The following MLLT1 variants were observed in gnomAD, a reference collection of about 807,000 sequenced individuals.
The protein encoded by MLLT1 is MLLT1 super elongation complex subunit.
In MLLT1, 11 loss-of-function variants were observed where a neutral mutation model predicts 55.1. That is an observed-to-expected ratio of 0.20 (90% CI 0.13 to 0.33). The LOEUF is 0.33. Ranked by LOEUF, MLLT1 falls within the 10% of genes least tolerant of loss-of-function variation. The pLI is 1.00. For synonymous variants in MLLT1, 323 were observed against 320.1 expected, an observed-to-expected ratio of 1.01 and a Z score of -0.10; for missense variants, 536 against 760.6, an observed-to-expected ratio of 0.70 and a Z score of 3.47.
chr19:6,213,769 C>T lies in MLLT1; in HGVS notation c.1436G>A (p.Cys479Tyr), dbSNP rs780264607. The T allele has an allele frequency of 1.2e-6, 2 of 1,612,684 alleles. No individual in the cohort carries two copies. Among genetic ancestry groups the T allele is most frequent in the Admixed American group, 3.3e-5 (2 of 59,882 alleles). ...CTTGAGGATCTTCTCAGGCTTGCTGCAGGACTCGGGGCTCCTCCGGCCTGA... is the reference window on the plus strand; with the variant it reads ...CTTGAGGATCTTCTCAGGCTTGCTGTAGGACTCGGGGCTCCTCCGGCCTGA... ...KVSGRRSPESCSKPEKILKKG... is the reference protein window; with the variant it reads ...KVSGRRSPESYSKPEKILKKG... Residue 479 changes from cysteine to tyrosine, a missense_variant, in exon 10 of 12, where the codon TGC (cysteine) becomes TAC (tyrosine). Transcript: ENST00000252674.
chr19:6,253,217 A>G (rs761693324), intron 3 of MLLT1, among the ~76,000 whole-genome samples: 8 of 134,628 alleles, frequency 5.9e-5, no homozygotes, highest in Non-Finnish European at 1.1e-4. Flanking sequence ...GTGAGCCAAG[A>G]TTGCGCCACT....
chr19:6,272,938 G>C (rs1044600888), intron 1 of MLLT1, among the ~76,000 whole-genome samples: 1 of 152,194 alleles, frequency 6.6e-6, no homozygotes, highest in Non-Finnish European at 1.5e-5. Context: ...ACATGATACA[G>C]ATGTACAATT....
intron 11 of MLLT1, 59 bp downstream of exon 11, chr19:6,213,278 C>A: frequency 3.1e-6 from 5 of 1,608,452 alleles, no homozygotes; most frequent in Non-Finnish European, 4.3e-6. Flanking sequence ...GCCCCCGCAG[C>A]CCACACTCCT....
chr19:6,227,670 G>A lies in MLLT1; in HGVS notation c.421-568C>T, dbSNP rs1046649894. Among the ~76,000 whole-genome samples the A allele has an allele frequency of 6.6e-6, 1 of 152,180 alleles. No individual in the cohort carries two copies. Among genetic ancestry groups the A allele is most frequent in the African/African-American group, 2.4e-5 (1 of 41,458 alleles). ...CAAGGCAGACGACCTGTGCCTACTG[G>A]GGGGGTCTCTCTGCAAAGCAGGCCC... On this transcript the variant is annotated intron_variant, in intron 4 of 11. Transcript: ENST00000252674. The surrounding 1 kb of genome is among the most constrained non-coding windows in gnomAD (Gnocchi z 5.1).
At chr19:6,274,146 G>A (rs1021932171) in intron 1 of MLLT1, among the ~76,000 whole-genome samples, 2 of 152,240 alleles carry the variant, frequency 1.3e-5, no homozygotes, top group African/African-American at 4.8e-5. Flanking sequence ...AAGTTCGGGT[G>A]CCCGGCCTGC....
chr19:6,251,203 A>G (rs181921852), intron 3 of MLLT1, among the ~76,000 whole-genome samples: 1 of 152,318 alleles, frequency 6.6e-6, no homozygotes, highest in African/African-American at 2.4e-5. Context: ...AATGTACTAA[A>G]TGCCACTTTA....
At chr19:6,271,715 A>G (rs1237020674) in intron 1 of MLLT1, among the ~76,000 whole-genome samples, 1 of 152,232 alleles carries the variant, frequency 6.6e-6, no homozygotes, top group Admixed American at 6.5e-5. Context: ...ATCAAATACA[A>G]GAATGTTACA....
chr19:6,236,024 T>C (rs1249910080), intron 3 of MLLT1, among the ~76,000 whole-genome samples: 1 of 152,226 alleles, frequency 6.6e-6, no homozygotes, highest in Non-Finnish European at 1.5e-5. Context: ...GGGACTGTCC[T>C]GTTTTGTTCC....
chr19:6,220,325 G>A (rs2090885672), intron 6 of MLLT1, among the ~76,000 whole-genome samples: 1 of 152,232 alleles, frequency 6.6e-6, no homozygotes, highest in South Asian at 2.1e-4. Context: ...AGGCGTCAGG[G>A]ACTCTGTGCT....
chr19:6,228,273 A>G (rs2090972983), intron 4 of MLLT1, among the ~76,000 whole-genome samples: 1 of 152,178 alleles, frequency 6.6e-6, no homozygotes, highest in Non-Finnish European at 1.5e-5. Flanking sequence ...GCTGAGCCCC[A>G]TTCGCTCTCA....
chr19:6,234,001 CTGAG>C (rs1248902312), intron 3 of MLLT1, among the ~76,000 whole-genome samples: 4 of 150,202 alleles, frequency 2.7e-5, no homozygotes, highest in Non-Finnish European at 5.9e-5. Context: ...AGTGAGCCAA[CTGAG>C]TGAGATGCTA....
At chr19:6,260,817 G>A (rs998436083) in intron 3 of MLLT1, among the ~76,000 whole-genome samples, 4 of 152,228 alleles carry the variant, frequency 2.6e-5, no homozygotes, top group African/African-American at 9.6e-5. Context: ...CTGCGCTCCA[G>A]CCTGGGCAAA....
In MLLT1 at chr19:6,256,952, C is replaced by T. The variant is rs962313463; in HGVS notation, c.276+5276G>A. Among the ~76,000 whole-genome samples the T allele has an allele frequency of 3.9e-5, 6 of 152,152 alleles. No individual in the cohort carries two copies. Among genetic ancestry groups the T allele is most frequent in the Admixed American group, 6.5e-5 (1 of 15,274 alleles). The stretch of plus-strand genomic sequence containing the variant: ...GCGAAAGAACAGTCTCTTCAGTGAA[C>T]GGTGCTGGGACACCTGGAAAACCAC... On this transcript the variant is annotated intron_variant, in intron 3 of 11. Transcript: ENST00000252674. This position sits in a 1 kb window ranked among gnomAD's most constrained non-coding sequence, Gnocchi z 4.1.
At chr19:6,245,955 G>A (rs2091164130) in intron 3 of MLLT1, among the ~76,000 whole-genome samples, 1 of 152,154 alleles carries the variant, frequency 6.6e-6, no homozygotes, top group Admixed American at 6.5e-5. Context: ...GCTCATGCCT[G>A]TAATCCCAGC....
chr19:6,268,133 T>C (rs779875528), intron 2 of MLLT1, among the ~76,000 whole-genome samples: 25 of 152,268 alleles, frequency 1.6e-4, no homozygotes, highest in Non-Finnish European at 2.6e-4. Flanking sequence ...TGTGGGTGTA[T>C]TGGGCAACGA....
rs928827048 is a variant in MLLT1 at position 6,265,038 on chromosome 19, CA to C, written c.194-2729del. ...AAATGTCACAAAACATAGTGAACAG[CA>C]AAAAAAAAACAAAAAAACAAAAAAA... On this transcript the variant is annotated intron_variant, in intron 2 of 11. Transcript: ENST00000252674. Among the ~76,000 whole-genome samples, 97 of 21,210 alleles carry C rather than the reference CA, an allele frequency of 4.6e-3. 5 individuals carry two copies. The highest frequency in any genetic ancestry group is 6.6e-3 in the Non-Finnish European group (62 of 9,338). The allele number at this position is 21,210 out of a possible 152,430, so 13.9% of individuals were successfully genotyped here. A position where few individuals can be genotyped will look rare whatever the true frequency, so the allele number is the denominator to read the frequency against.
At chr19:6,274,297 C>A (rs1320802699) in intron 1 of MLLT1, among the ~76,000 whole-genome samples, 2 of 152,232 alleles carry the variant, frequency 1.3e-5, no homozygotes, top group African/African-American at 4.8e-5. Context: ...AGAAGTGGAG[C>A]CCCGGCCAAC....
chr19:6,224,514 C>T (rs957623264), intron 5 of MLLT1, among the ~76,000 whole-genome samples: 6 of 152,212 alleles, frequency 3.9e-5, no homozygotes, highest in African/African-American at 2.4e-5. Context: ...GGAGCTCAGC[C>T]GGGGTCACAG....
chr19:6,276,277 G>A (rs1448425946), intron 1 of MLLT1, among the ~76,000 whole-genome samples: 1 of 152,156 alleles, frequency 6.6e-6, no homozygotes, highest in Non-Finnish European at 1.5e-5. Flanking sequence ...TGGGTAATTC[G>A]GAGCTTTTCG....
Sources: allele counts gnomAD v4.1 joint callset (sites outside exome capture counted in the v4.1 genomes callset), GRCh38; gene constraint gnomAD v4.1.1; non-coding constraint Gnocchi (gnomAD v3.1); transcripts MANE v1.5; gene names NCBI Gene and HGNC (gene_info 2026-07-23, HGNC 2026-07-21).